Variants in GPR19 observed in about 807,000 individuals in gnomAD.
GPR19 encodes probable G protein-coupled receptor 19.
Under a neutral mutation model 28.5 loss-of-function variants are expected in GPR19, and 14 were observed. That is an observed-to-expected ratio of 0.49 (90% CI 0.32 to 0.77). GPR19 has a LOEUF of 0.77. GPR19 is among the 30% of genes least tolerant of loss of function. The probability of loss-of-function intolerance (pLI) is 0.03; values close to 1 mark genes in which losing one functional copy is unlikely to be tolerated. For missense variants in GPR19, 409 were observed against 504.1 expected (o/e 0.81, Z 1.81); for synonymous variants, 173 against 184.1 (o/e 0.94, Z 0.49).
chr12:12,700,901 C>G (rs1390477596), upstream of GPR19, among the ~76,000 whole-genome samples: 3 of 152,162 alleles, frequency 2.0e-5, no homozygotes, highest in East Asian at 5.8e-4. Context: ...TTTACTTTTA[C>G]TTTTTAAAAA....
the GPR19 span, chr12:12,716,773 C>A: frequency 4.1e-6 from 4 of 985,274 alleles, no homozygotes; most frequent in African/African-American, 7.0e-5. Flanking sequence ...GCAGAAACTT[C>A]TGGGTTAAGG....
chr12:12,709,046 TAAAA>T, the GPR19 span, among the ~76,000 whole-genome samples: 1 of 141,564 alleles, frequency 7.1e-6, no homozygotes, highest in Non-Finnish European at 1.5e-5. Flanking sequence ...AGACTCCGTC[TAAAA>T]AAAAAAAAAA....
chr12:12,688,557 A>G (rs1047205434), intron 2 of GPR19: 15 of 151,774 alleles, frequency 9.9e-5, no homozygotes, highest in African/African-American at 3.4e-4. Context: ...TTCTGCCTTG[A>G]CTCCCTTTTT....
chr12:12,695,918 A>C (rs1946252952), intron 1 of GPR19, 147 bp downstream of exon 1: 2 of 151,822 alleles, frequency 1.3e-5, no homozygotes, highest in East Asian at 3.9e-4. Context: ...AATAAATAAA[A>C]CTCCTTTGTC....
intron 3 of GPR19, among the ~76,000 whole-genome samples, chr12:12,679,452 G>T (rs565438908): frequency 6.8e-6 from 1 of 147,364 alleles, no homozygotes; most frequent in South Asian, 2.2e-4. Flanking sequence ...AAAAAAATTA[G>T]CCGGGCATGG....
intron 2 of GPR19, among the ~76,000 whole-genome samples, chr12:12,690,914 G>A (rs1946171262): frequency 6.6e-6 from 1 of 152,168 alleles, no homozygotes; most frequent in Admixed American, 6.5e-5. Context: ...CAAGTTGGAA[G>A]TTTAATTAGC....
the GPR19 span, among the ~76,000 whole-genome samples, chr12:12,710,037 G>A: frequency 4.6e-5 from 7 of 152,166 alleles, no homozygotes; most frequent in Admixed American, 4.6e-4. Flanking sequence ...CACACCTCAA[G>A]TGTGATGTGA....
Position 12,661,847 on chromosome 12 carries a change from A to T in GPR19, c.602T>A (p.Phe201Tyr). Residue 201 changes from phenylalanine (F) to tyrosine (Y), a missense_variant, in exon 4 of 4, where the codon TTC becomes TAC. Coordinates refer to ENST00000651487, the MANE Select transcript of GPR19 (RefSeq NM_006143.3). This position sits in a 1 kb window ranked among gnomAD's most constrained non-coding sequence, Gnocchi z 4.2. The part of the protein sequence containing the change: ...DAGFVTPVLF[F>Y]YGSNWDSHCN... ...ATGACTGTCCCAGTTGGAGCCATAG[A>T]AAAAGAGCACAGGGGTCACAAAGCC... 2 of 1,614,194 alleles carry T rather than the reference A, an allele frequency of 1.2e-6. No individual in the cohort carries two copies. The highest frequency in any genetic ancestry group is 1.7e-6 in the Non-Finnish European group (2 of 1,180,038).
chr12:12,684,252 A>G (rs1946061544), intron 3 of GPR19, 99 bp downstream of exon 3: 1 of 152,204 alleles, frequency 6.6e-6, no homozygotes, highest in Admixed American at 6.5e-5. Flanking sequence ...ACCAGCATCT[A>G]AGGCAGGACA....
At chr12:12,674,105 G>A (rs1210747475) in intron 3 of GPR19, among the ~76,000 whole-genome samples, 4 of 150,268 alleles carry the variant, frequency 2.7e-5, no homozygotes, top group African/African-American at 9.8e-5. Context: ...CCAGCTACTC[G>A]AAAGGCTGAG....
At chr12:12,707,648 G>GT in the GPR19 span, among the ~76,000 whole-genome samples, 2 of 152,206 alleles carry the variant, frequency 1.3e-5, no homozygotes, top group Non-Finnish European at 2.9e-5. Context: ...TCTTCTCAAT[G>GT]TAAAAAATAG....
intron 3 of GPR19, among the ~76,000 whole-genome samples, chr12:12,675,386 G>A (rs7972866): frequency 0.28 from 41,836 of 152,004 alleles, 5,978 homozygotes; most frequent in East Asian, 0.44. Flanking sequence ...GAGCCTTGCC[G>A]TTATTTAAAG....
chr12:12,703,334 T>C, the GPR19 span: 1 of 964,096 alleles, frequency 1.0e-6, no homozygotes, highest in Non-Finnish European at 1.2e-6. Context: ...TGAGACACAG[T>C]CTCACTTTTT....
At chr12:12,664,582 G>A (rs1176376145) in intron 3 of GPR19, among the ~76,000 whole-genome samples, 2 of 151,990 alleles carry the variant, frequency 1.3e-5, no homozygotes, top group Non-Finnish European at 2.9e-5. Context: ...AGCATGCTGG[G>A]AAAATGATAG....
intron 3 of GPR19, among the ~76,000 whole-genome samples, chr12:12,678,693 A>G (rs1309778432): frequency 1.3e-5 from 2 of 152,222 alleles, no homozygotes; most frequent in East Asian, 3.8e-4. Context: ...AAATAACTTT[A>G]TGTACATTTT....
In GPR19 at chr12:12,683,422, C is replaced by T. The variant is rs1946051335; in HGVS notation, c.-23+929G>A. On this transcript the variant is annotated intron_variant, in intron 3 of 3. Coordinates refer to ENST00000651487, the MANE Select transcript of GPR19 (RefSeq NM_006143.3). ...ATATGAGCAGGCAAGCAGCATAGCT[C>T]AGTGGTTAAGAGCACAGGCTTTGGG... 3.3e-5 allele frequency among the ~76,000 whole-genome samples: 5 copies of T among 152,316 alleles called. No individual in the cohort carries two copies. The South Asian group carries it at 1.0e-3, about 32-fold the overall frequency.
At chr12:12,680,255 A>T (rs1227431684) in intron 3 of GPR19, among the ~76,000 whole-genome samples, 2 of 152,222 alleles carry the variant, frequency 1.3e-5, no homozygotes, top group Non-Finnish European at 2.9e-5. Context: ...TCAGATCCTG[A>T]CTCTACCTGC....
chr12:12,707,342 ATAT>A, the GPR19 span, among the ~76,000 whole-genome samples: 1 of 152,260 alleles, frequency 6.6e-6, no homozygotes, highest in Non-Finnish European at 1.5e-5. Flanking sequence ...GCAACATGAC[ATAT>A]TATGCTTATT....
At chr12:12,707,523 T>G in the GPR19 span, among the ~76,000 whole-genome samples, 1 of 152,212 alleles carries the variant, frequency 6.6e-6, no homozygotes, top group Non-Finnish European at 1.5e-5. Flanking sequence ...ATGTGGATAA[T>G]TATTCAGAGA....
Sources: allele counts gnomAD v4.1 joint callset (sites outside exome capture counted in the v4.1 genomes callset), GRCh38; gene constraint gnomAD v4.1.1; non-coding constraint Gnocchi (gnomAD v3.1); transcripts MANE v1.5; gene names NCBI Gene and HGNC (gene_info 2026-07-23, HGNC 2026-07-21).